FSIP1: variants seen among roughly 807,000 people sequenced by gnomAD.
The protein encoded by FSIP1 is fibrous sheath-interacting protein 1.
A neutral mutation model predicts 60.9 loss-of-function variants in FSIP1; 65 were observed. That is an observed-to-expected ratio of 1.07 (90% CI 0.87 to 1.31). The LOEUF (loss-of-function observed/expected upper bound fraction) is 1.31. FSIP1 is among the 40% of genes most tolerant of loss of function. The probability of loss-of-function intolerance (pLI) is 0.00; values close to 1 mark genes in which losing one functional copy is unlikely to be tolerated. For synonymous variants in FSIP1, 209 were observed against 221.2 expected (o/e 0.94, Z 0.49); for missense variants, 675 against 665.5 (o/e 1.01, Z -0.16).
intron 9 of FSIP1, among the ~76,000 whole-genome samples, chr15:39,725,211 CAG>C (rs976515110): frequency 7.2e-5 from 11 of 152,170 alleles, no homozygotes; most frequent in Admixed American, 3.9e-4. Flanking sequence ...AGCCTGGTGA[CAG>C]AGCGAGATTC....
At position 39,648,208 on chromosome 15, in the gene FSIP1, C is replaced by T. The variant is rs373119940; in HGVS notation, c.1189-29963G>A. Among the ~76,000 whole-genome samples, 220 of 134,912 alleles carry T rather than the reference C, an allele frequency of 1.6e-3. 1 individual carries two copies. Among genetic ancestry groups the T allele is most frequent in the African/African-American group, 6.1e-3 (216 of 35,518 alleles). 88.5% of individuals were successfully genotyped at this position (134,912 alleles called of 152,430 possible). A position where few individuals can be genotyped will look rare whatever the true frequency, so the allele number is the denominator to read the frequency against. On this transcript the variant is annotated intron_variant, in intron 10 of 11. Transcript: ENST00000350221. ...AAAAAAAGAATCTAGTATAAAATTG[C>T]TACCAAAAAAAAAAAAAAGAAAAAT...
intron 10 of FSIP1, among the ~76,000 whole-genome samples, chr15:39,644,010 G>A (rs1892483175): frequency 6.6e-6 from 1 of 152,214 alleles, no homozygotes. Context: ...CTAACGTCAT[G>A]AGGTTTATGA....
intron 10 of FSIP1, among the ~76,000 whole-genome samples, chr15:39,623,952 G>A (rs1277462630): frequency 2.0e-5 from 3 of 152,212 alleles, no homozygotes; most frequent in Non-Finnish European, 4.4e-5. Context: ...AACTGACTCT[G>A]TAAGAGTATC....
intron 10 of FSIP1, among the ~76,000 whole-genome samples, chr15:39,666,575 A>G (rs1893502890): frequency 6.6e-6 from 1 of 152,206 alleles, no homozygotes; most frequent in South Asian, 2.1e-4. Flanking sequence ...CAGAATGACA[A>G]AATAACCAGT....
At chr15:39,687,166 G>A (rs1247350426) in intron 10 of FSIP1, among the ~76,000 whole-genome samples, 4 of 11,140 alleles carry the variant, frequency 3.6e-4, no homozygotes, top group African/African-American at 1.3e-3. Context: ...TTTTTTTTTT[G>A]AGACAGAGTT....
chr15:39,751,129 T>A (rs542265572), intron 5 of FSIP1, among the ~76,000 whole-genome samples: 1 of 151,978 alleles, frequency 6.6e-6, no homozygotes, highest in South Asian at 2.1e-4. Flanking sequence ...CAACTATTGG[T>A]GAGGGTGTGG....
chr15:39,694,789 C>CA (rs1477449688), intron 10 of FSIP1, among the ~76,000 whole-genome samples: 6 of 147,324 alleles, frequency 4.1e-5, no homozygotes, highest in Admixed American at 6.8e-5. Flanking sequence ...GACTCCGTCT[C>CA]AAAAAAAATA....
intron 10 of FSIP1, among the ~76,000 whole-genome samples, chr15:39,645,856 G>T (rs943160724): frequency 1.3e-5 from 2 of 152,222 alleles, no homozygotes; most frequent in African/African-American, 2.4e-5. Context: ...GGCCATGAAC[G>T]GCAGCAGGAG....
intron 7 of FSIP1, 147 bp downstream of exon 7, chr15:39,739,518 A>G (rs1438229604): frequency 2.9e-6 from 2 of 688,984 alleles, no homozygotes; most frequent in Non-Finnish European, 4.7e-6. Context: ...CTGGTTCATA[A>G]AAGTTTTCTT....
At chr15:39,754,633 A>C (rs1897253004) in intron 5 of FSIP1, among the ~76,000 whole-genome samples, 2 of 152,098 alleles carry the variant, frequency 1.3e-5, no homozygotes, top group South Asian at 2.1e-4. Flanking sequence ...ATAACAGAGG[A>C]ACTGAGGCTG....
chr15:39,696,928 TG>T, intron 10 of FSIP1, among the ~76,000 whole-genome samples: 1 of 62,034 alleles, frequency 1.6e-5, no homozygotes. Flanking sequence ...GTGTGTGTGT[TG>T]GGATGGGGGA....
chr15:39,699,491 G>A (rs528265729), intron 10 of FSIP1, among the ~76,000 whole-genome samples: 51 of 152,256 alleles, frequency 3.3e-4, no homozygotes, highest in African/African-American at 1.2e-3. Flanking sequence ...ACAACTTTCA[G>A]CATGTATCTT....
intron 1 of FSIP1, among the ~76,000 whole-genome samples, chr15:39,780,166 T>C (rs779744794): frequency 3.3e-5 from 5 of 152,308 alleles, no homozygotes; most frequent in East Asian, 1.9e-4. Context: ...ACCCATCGAC[T>C]CCTCCCCAAC....
At chr15:39,680,804 A>C (rs1478716730) in intron 10 of FSIP1, among the ~76,000 whole-genome samples, 1 of 152,244 alleles carries the variant, frequency 6.6e-6, no homozygotes, top group African/African-American at 2.4e-5. Context: ...CATTTACTAC[A>C]TACCAGACAC....
At chr15:39,601,455 C>T (rs533799651) in intron 11 of FSIP1, among the ~76,000 whole-genome samples, 10 of 152,278 alleles carry the variant, frequency 6.6e-5, no homozygotes, top group East Asian at 3.9e-4. Flanking sequence ...CCTTCATGCA[C>T]GACTGGCAGG....
intron 3 of FSIP1, among the ~76,000 whole-genome samples, chr15:39,768,920 C>A (rs554428862): frequency 3.9e-5 from 6 of 152,162 alleles, no homozygotes; most frequent in Non-Finnish European, 8.8e-5. Context: ...ATTATGCAGA[C>A]CTTCAACCTC....
At chr15:39,722,893 G>GT (rs1383597037) in intron 9 of FSIP1, among the ~76,000 whole-genome samples, 7 of 151,842 alleles carry the variant, frequency 4.6e-5, no homozygotes, top group Non-Finnish European at 8.8e-5. Context: ...TTGCACCACT[G>GT]TACTTCCAGC....
rs1491090328 is a variant in FSIP1 at position 39,687,136 on chromosome 15, C to CTTTTTTTTTTTTTTTTT, written c.1188+26307_1188+26308insAAAAAAAAAAAAAAAAA. ...CACCTTTCTTTCTTTCTTTTCTTTT[C>CTTTTTTTTTTTTTTTTT]CTTTTTTTTTTTTTTTTTTTTTTTT... On this transcript the variant is annotated intron_variant, in intron 10 of 11. Transcript: ENST00000350221. Among the ~76,000 whole-genome samples, 45 of 47,732 alleles carry CTTTTTTTTTTTTTTTTT rather than the reference C, an allele frequency of 9.4e-4. 16 individuals are homozygous for CTTTTTTTTTTTTTTTTT. Among genetic ancestry groups the CTTTTTTTTTTTTTTTTT allele is most frequent in the East Asian group, 2.6e-3 (4 of 1,512 alleles). The allele number at this position is 47,732 out of a possible 152,430, so 31.3% of individuals were successfully genotyped here.
intron 8 of FSIP1, among the ~76,000 whole-genome samples, chr15:39,737,522 T>C (rs1040046954): frequency 6.6e-6 from 1 of 152,118 alleles, no homozygotes; most frequent in African/African-American, 2.4e-5. Flanking sequence ...GCACATCACA[T>C]CACAGGAAGA....
Sources: allele counts gnomAD v4.1 joint callset (sites outside exome capture counted in the v4.1 genomes callset), GRCh38; gene constraint gnomAD v4.1.1; transcripts MANE v1.5; gene names NCBI Gene and HGNC (gene_info 2026-07-23, HGNC 2026-07-21).